The following CORO7 variants were observed in gnomAD, a reference collection of about 807,000 sequenced individuals.
The protein encoded by CORO7 is coronin 7, also known as coronin-7.
CORO7 carries 107 observed loss-of-function variants against 126.6 expected under a neutral mutation model. The ratio of observed to expected loss-of-function variants is 0.85; its 90% CI spans 0.72 to 0.99. CORO7 has a LOEUF of 0.99. Among genes scored for constraint, CORO7 ranks in the 50% least tolerant of loss-of-function variants. The pLI, the probability that CORO7 is intolerant of heterozygous loss-of-function variation, is 0.00. For missense variants in CORO7, 1,314 were observed against 1,255.8 expected (o/e 1.05, Z -0.70); for synonymous variants, 603 against 536.8 (o/e 1.12, Z -1.70).
chr16:4,370,717 A>T (rs986947175), intron 9 of CORO7, among the ~76,000 whole-genome samples: 14 of 152,230 alleles, frequency 9.2e-5, no homozygotes, highest in Non-Finnish European at 2.1e-4. Context: ...TGACGGCTAG[A>T]CACAGAGGCC....
At chr16:4,414,155 C>A (rs1010474604) in intron 1 of CORO7, among the ~76,000 whole-genome samples, 1 of 149,966 alleles carries the variant, frequency 6.7e-6, no homozygotes, top group Admixed American at 6.7e-5. Context: ...CATGCCACTG[C>A]ACTCCTGCCT....
rs1006851552 is a variant in CORO7, at chr16:4,365,550, G to C, written c.786-5C>G. ...TCCAGCAGAGGCACGAGACACCTGG[G>C]GAAGAGAGGGCAAGATGGCGGGTCA... On this transcript the variant is annotated splice_polypyrimidine_tract_variant and splice_region_variant and intron_variant, in intron 9 of 27. Coordinates refer to ENST00000251166, the MANE Select transcript of CORO7 (RefSeq NM_024535.5). The C allele has an allele frequency of 2.7e-5, 43 of 1,577,584 alleles. No individual in the cohort carries two copies. The highest frequency in any genetic ancestry group is 2.0e-4 in the Admixed American group (11 of 54,368).
intron 9 of CORO7, among the ~76,000 whole-genome samples, chr16:4,368,948 G>A (rs929837512): frequency 2.6e-5 from 4 of 152,192 alleles, no homozygotes; most frequent in African/African-American, 9.6e-5. Flanking sequence ...GTCTCCTGTG[G>A]CCCCTCTGCT....
At position 4,363,588 on chromosome 16, in the gene CORO7, T is replaced by C. The variant is rs529307875; in HGVS notation, c.1275+688A>G. Among the ~76,000 whole-genome samples, 13 of 152,222 alleles carry C rather than the reference T, an allele frequency of 8.5e-5. No individual in the cohort carries two copies. In the South Asian group the frequency reaches 2.7e-3, roughly 32 times the overall value. On this transcript the variant is annotated intron_variant, in intron 14 of 27. Coordinates refer to ENST00000251166, the MANE Select transcript of CORO7 (RefSeq NM_024535.5). ...TTAGCCAGGCGTGGTGGCGCACGCC[T>C]GTAATCCCAGCTACTCAGGAGGCTC...
intron 9 of CORO7, among the ~76,000 whole-genome samples, chr16:4,370,873 G>A (rs2054499683): frequency 6.6e-6 from 1 of 152,374 alleles, no homozygotes. Context: ...CCGGGCTGGA[G>A]GGGGTGTGGG....
At chr16:4,398,932 C>T (rs1438490014) in intron 6 of CORO7, among the ~76,000 whole-genome samples, 1 of 150,146 alleles carries the variant, frequency 6.7e-6, no homozygotes, top group African/African-American at 2.5e-5. Flanking sequence ...GGCACCATTG[C>T]ACTCCAGCCC....
At chr16:4,365,327 G>A (rs535510046) in intron 10 of CORO7, among the ~76,000 whole-genome samples, 164 bp downstream of exon 10, 40 of 152,254 alleles carry the variant, frequency 2.6e-4, no homozygotes, top group Admixed American at 7.2e-4. Context: ...CTCTATTCTC[G>A]GCCTTGTTCT....
intron 1 of CORO7, among the ~76,000 whole-genome samples, chr16:4,413,806 G>C (rs191949899): frequency 1.3e-5 from 2 of 151,842 alleles, no homozygotes; most frequent in Admixed American, 1.3e-4. Context: ...CCAAAGTGCT[G>C]GGATTACAGG....
At chr16:4,380,270 G>T (rs893808983) in intron 9 of CORO7, among the ~76,000 whole-genome samples, 16 of 152,096 alleles carry the variant, frequency 1.1e-4, no homozygotes, top group Non-Finnish European at 2.1e-4. Context: ...GAACCTTCCC[G>T]CCGGCCACTT....
chr16:4,360,373 T>C lies in CORO7; in HGVS notation c.2023-10A>G, dbSNP rs58057409. On this transcript the variant is annotated splice_polypyrimidine_tract_variant and intron_variant, in intron 20 of 27. Transcript: ENST00000251166. The stretch of plus-strand genomic sequence containing the variant: ...TGGGCCCTGGGCCTTCCTGTTGAGA[T>C]ACATCGCGTGACACCCAGCCAGCAC... 56,041 of 1,613,410 alleles carry C rather than the reference T, an allele frequency of 0.035. 1,203 individuals are homozygous for C. The highest frequency in any genetic ancestry group is 0.1 in the Admixed American group (6,193 of 59,990).
intron 3 of CORO7, among the ~76,000 whole-genome samples, chr16:4,411,216 C>T (rs760132526): frequency 1.6e-4 from 24 of 152,274 alleles, no homozygotes; most frequent in African/African-American, 5.3e-4. Context: ...ATAACAAGAC[C>T]CCATTTTACA....
intron 6 of CORO7, among the ~76,000 whole-genome samples, chr16:4,398,294 A>G (rs960839050): frequency 7.9e-5 from 12 of 152,334 alleles, no homozygotes; most frequent in Admixed American, 2.0e-4. Context: ...ATCACTAACC[A>G]TTAGAGAAAC....
Position 4,362,602 on chromosome 16 carries a change from G to C in CORO7, c.1402+10C>G. ...GCGGTAGGGGTGAGCTCCCCGTCCTGCCTCCTTACCCAGCAGGCTCTGCAG... is the reference window on the plus strand; with the variant it reads ...GCGGTAGGGGTGAGCTCCCCGTCCTCCCTCCTTACCCAGCAGGCTCTGCAG... On this transcript the variant is annotated intron_variant, in intron 15 of 27. Transcript: ENST00000251166. The surrounding 1 kb of genome is among the most constrained non-coding windows in gnomAD (Gnocchi z 5.3). 6.4e-7 allele frequency: 1 copy of C among 1,550,734 alleles called. No individual in the cohort carries two copies. Among genetic ancestry groups the C allele is most frequent in the South Asian group, 1.2e-5 (1 of 82,622 alleles).
At chr16:4,370,972 G>A (rs1190876778) in intron 9 of CORO7, among the ~76,000 whole-genome samples, 1 of 152,234 alleles carries the variant, frequency 6.6e-6, no homozygotes, top group African/African-American at 2.4e-5. Context: ...GGGGGAGGAG[G>A]GCAGAGTGTT....
Sources: gnomAD v4.1 joint callset for allele counts (sites outside exome capture counted in the v4.1 genomes callset) on GRCh38, gnomAD v4.1.1 for gene constraint, Gnocchi (gnomAD v3.1) non-coding constraint, MANE v1.5 for transcripts, NCBI Gene and HGNC (gene_info 2026-07-23, HGNC 2026-07-21) for gene names.